The following ASCC3 variants were observed in gnomAD, a reference collection of about 807,000 sequenced individuals.
The protein encoded by ASCC3 is activating signal cointegrator 1 complex subunit 3.
Under a neutral mutation model 256.3 loss-of-function variants are expected in ASCC3, and 158 were observed. That is an observed-to-expected ratio of 0.62 (90% CI 0.54 to 0.70). The LOEUF (loss-of-function observed/expected upper bound fraction) is 0.70, where lower values mean the gene tolerates loss of function less well. Among genes scored for constraint, ASCC3 ranks in the 30% least tolerant of loss-of-function variants. ASCC3 has a pLI of 0.00. For missense variants in ASCC3, 2,259 were observed against 2,626.0 expected (o/e 0.86, Z 3.05); for synonymous variants, 948 against 883.4 (o/e 1.07, Z -1.30).
At chr6:100,600,380 T>C (rs1452442845) in intron 34 of ASCC3, among the ~76,000 whole-genome samples, 1 of 152,118 alleles carries the variant, frequency 6.6e-6, no homozygotes, top group African/African-American at 2.4e-5. Flanking sequence ...CTAGAATAAA[T>C]GTGAAGTCTA....
At chr6:100,642,068 A>G (rs1163803863) in intron 24 of ASCC3, among the ~76,000 whole-genome samples, 1 of 151,816 alleles carries the variant, frequency 6.6e-6, no homozygotes, top group Non-Finnish European at 1.5e-5. Flanking sequence ...ATGTTAAATG[A>G]CGAGTTAATA....
chr6:100,821,802 TGACAGAGC>T (rs1321039477), intron 4 of ASCC3, among the ~76,000 whole-genome samples: 2 of 151,714 alleles, frequency 1.3e-5, no homozygotes, highest in African/African-American at 4.8e-5. Context: ...CCAGCCTGGA[TGACAGAGC>T]GAGACTCCGA....
Position 100,766,718 on chromosome 6 carries a change from A to T in ASCC3, c.1597-13T>A. On this transcript the variant is annotated splice_polypyrimidine_tract_variant and intron_variant, in intron 9 of 41. Transcript: ENST00000369162. ...CAACATATACAATCTATACCAAAGG[A>T]ACACTAGCTTGATTAATGAGCAAAA... 1 of 1,613,962 alleles carries T rather than the reference A, an allele frequency of 6.2e-7. No individual in the cohort carries two copies. The highest frequency in any genetic ancestry group is 1.1e-5 in the South Asian group (1 of 91,080).
chr6:100,858,627 C>T, intron 3 of ASCC3: 5 of 987,206 alleles, frequency 5.1e-6, no homozygotes, highest in Non-Finnish European at 6.0e-6. Flanking sequence ...TTTATTAATC[C>T]ACTCATTATA....
chr6:100,797,490 A>AC (rs1223138242), intron 8 of ASCC3, among the ~76,000 whole-genome samples: 48 of 126,892 alleles, frequency 3.8e-4, no homozygotes, highest in Non-Finnish European at 4.7e-4. Context: ...AAAAAAAAAA[A>AC]AACTTAAAAT....
intron 10 of ASCC3, among the ~76,000 whole-genome samples, chr6:100,766,261 A>C (rs184560196): frequency 1.3e-5 from 2 of 152,300 alleles, no homozygotes; most frequent in East Asian, 3.9e-4. Context: ...TTAAAATTAA[A>C]CTCTGGTATT....
At chr6:100,668,428 C>T (rs376475679) in intron 14 of ASCC3, among the ~76,000 whole-genome samples, 1 of 151,930 alleles carries the variant, frequency 6.6e-6, no homozygotes. Context: ...CTAGAAGTGA[C>T]AGAAAACTCT....
chr6:100,828,492 C>T (rs1771441146), intron 4 of ASCC3, among the ~76,000 whole-genome samples: 1 of 152,072 alleles, frequency 6.6e-6, no homozygotes, highest in African/African-American at 2.4e-5. Flanking sequence ...AGAATGAAGC[C>T]GCGGACCCTC....
chr6:100,668,993 C>A (rs567086215), intron 14 of ASCC3, among the ~76,000 whole-genome samples: 3 of 151,098 alleles, frequency 2.0e-5, no homozygotes, highest in African/African-American at 4.9e-5. Context: ...TGAGAAAAAA[C>A]GAATATAAAT....
At chr6:100,797,675 T>TA (rs767140452) in intron 8 of ASCC3, among the ~76,000 whole-genome samples, 145 of 152,158 alleles carry the variant, frequency 9.5e-4, no homozygotes, top group East Asian at 5.8e-4. Flanking sequence ...AAAATATTGA[T>TA]ACGTGGACCT....
At chr6:100,587,452 G>A in intron 36 of ASCC3, among the ~76,000 whole-genome samples, 1 of 152,154 alleles carries the variant, frequency 6.6e-6, no homozygotes, top group East Asian at 1.9e-4. Context: ...TCCTAGGCAA[G>A]AAATTAAGAA....
intron 10 of ASCC3, among the ~76,000 whole-genome samples, chr6:100,766,350 C>T (rs1326458366): frequency 2.0e-5 from 3 of 152,078 alleles, no homozygotes; most frequent in South Asian, 2.1e-4. Flanking sequence ...ATTTGAGATG[C>T]AGTAAGAATT....
intron 13 of ASCC3, among the ~76,000 whole-genome samples, chr6:100,680,848 T>C (rs1777264947): frequency 6.6e-6 from 1 of 152,200 alleles, no homozygotes; most frequent in Admixed American, 6.5e-5. Context: ...AGTTAAAACT[T>C]TGATGTTTTT....
At chr6:100,561,714 A>G (rs1029460646) in intron 36 of ASCC3, among the ~76,000 whole-genome samples, 12 of 152,114 alleles carry the variant, frequency 7.9e-5, no homozygotes, top group African/African-American at 2.9e-4. Context: ...CAGCTCAGTC[A>G]CTGATTCTGA....
At chr6:100,755,448 C>A (rs1385140157) in intron 10 of ASCC3, among the ~76,000 whole-genome samples, 4 of 151,710 alleles carry the variant, frequency 2.6e-5, no homozygotes, top group Non-Finnish European at 4.4e-5. Flanking sequence ...CTCACTGTAA[C>A]CCCAACCTCT....
At chr6:100,610,396 T>C (rs540869963) in intron 30 of ASCC3, among the ~76,000 whole-genome samples, 1 of 152,246 alleles carries the variant, frequency 6.6e-6, no homozygotes, top group South Asian at 2.1e-4. Context: ...TTCCAACTGC[T>C]TTCTTGTTCA....
Position 100,848,322 on chromosome 6 carries a change from G to A in ASCC3, c.627C>T (p.Thr209=). The change falls in exon 4 of 42, where the codon ACC becomes ACT. Residue 209 remains threonine, a synonymous_variant. Transcript: ENST00000369162. ...TTTTTTCCACAGGCTTGAGTTCTGG[G>A]GTGCAAGCCTCCTGGAGATGTTCAT... ...FLNEHLQEAC[T]PELKPVEKTN... The A allele has an allele frequency of 2.5e-6, 4 of 1,613,986 alleles. No individual in the cohort carries two copies. Among genetic ancestry groups the A allele is most frequent in the Admixed American group, 3.3e-5 (2 of 60,000 alleles).
chr6:100,774,855 C>T (rs1036823038), intron 8 of ASCC3, among the ~76,000 whole-genome samples: 2 of 152,104 alleles, frequency 1.3e-5, no homozygotes, highest in Non-Finnish European at 2.9e-5. Flanking sequence ...TAGATTACAT[C>T]ATTTAGGTTT....
intron 37 of ASCC3, among the ~76,000 whole-genome samples, chr6:100,520,664 C>A (rs1369434199): frequency 1.3e-5 from 2 of 152,114 alleles, no homozygotes; most frequent in African/African-American, 4.8e-5. Flanking sequence ...CTGTAACTAA[C>A]TTTTCTATGT....
Sources: gnomAD v4.1 joint callset for allele counts (sites outside exome capture counted in the v4.1 genomes callset) on GRCh38, gnomAD v4.1.1 for gene constraint, MANE v1.5 for transcripts, NCBI Gene and HGNC (gene_info 2026-07-23, HGNC 2026-07-21) for gene names.